Variants in AGBL4 observed in about 807,000 individuals in gnomAD.
AGBL4 encodes AGBL carboxypeptidase 4.
Under a neutral mutation model 66.4 loss-of-function variants are expected in AGBL4, and 58 were observed. That is an observed-to-expected ratio of 0.87 (90% CI 0.71 to 1.09). AGBL4 has a LOEUF of 1.09. AGBL4 is among the 50% of genes least tolerant of loss of function. The pLI is 0.00. For missense variants in AGBL4, 579 were observed against 631.0 expected, an observed-to-expected ratio of 0.92 and a Z score of 0.88; for synonymous variants, 234 against 222.9, an observed-to-expected ratio of 1.05 and a Z score of -0.44.
At chr1:48,712,450 T>C (rs2148519791) in intron 6 of AGBL4, among the ~76,000 whole-genome samples, 1 of 152,278 alleles carries the variant, frequency 6.6e-6, no homozygotes, top group East Asian at 1.9e-4. Flanking sequence ...CTTAGCAAAA[T>C]GAGGCCTTTA....
chr1:49,629,624 TTCGGG>T (rs1645531492), intron 3 of AGBL4, among the ~76,000 whole-genome samples: 1 of 152,130 alleles, frequency 6.6e-6, no homozygotes, highest in Non-Finnish European at 1.5e-5. Flanking sequence ...ACGATGATAT[TTCGGG>T]TCATTGAATA....
chr1:48,721,111 G>T (rs1366351123), intron 6 of AGBL4, among the ~76,000 whole-genome samples: 1 of 151,986 alleles, frequency 6.6e-6, no homozygotes, highest in Admixed American at 6.6e-5. Context: ...ACAGGGGAAG[G>T]AGAGTGTGGA....
intron 5 of AGBL4, among the ~76,000 whole-genome samples, chr1:49,014,511 C>T (rs1662670546): frequency 6.6e-6 from 1 of 152,208 alleles, no homozygotes; most frequent in Non-Finnish European, 1.5e-5. Flanking sequence ...TTCACATTTT[C>T]GTTCACTGCT....
chr1:49,569,779 C>T (rs569796669), intron 3 of AGBL4, among the ~76,000 whole-genome samples: 1 of 152,090 alleles, frequency 6.6e-6, no homozygotes, highest in South Asian at 2.1e-4. Context: ...TCATTCCACT[C>T]TCTATATCCA....
At chr1:49,658,515 C>A (rs538410950) in intron 3 of AGBL4, among the ~76,000 whole-genome samples, 4 of 152,212 alleles carry the variant, frequency 2.6e-5, no homozygotes, top group South Asian at 2.1e-4. Context: ...TGGGTATATA[C>A]CCAAAGGAAT....
chr1:49,236,873 T>C (rs1415901307), intron 4 of AGBL4, among the ~76,000 whole-genome samples: 4 of 152,066 alleles, frequency 2.6e-5, no homozygotes, highest in African/African-American at 7.2e-5. Flanking sequence ...AATTCCCGCA[T>C]GTCATGGGAG....
chr1:49,267,913 C>A (rs1643961519), intron 3 of AGBL4, among the ~76,000 whole-genome samples: 1 of 152,010 alleles, frequency 6.6e-6, no homozygotes, highest in Non-Finnish European at 1.5e-5. Context: ...GGGGAAACCA[C>A]CCCCATGATT....
chr1:49,991,612 C>T (rs1407908555), intron 1 of AGBL4, among the ~76,000 whole-genome samples: 1 of 152,186 alleles, frequency 6.6e-6, no homozygotes, highest in Non-Finnish European at 1.5e-5. Flanking sequence ...TTTCACATTT[C>T]TAACTGCATC....
intron 1 of AGBL4, among the ~76,000 whole-genome samples, chr1:49,872,653 C>A (rs977717716): frequency 6.6e-6 from 1 of 152,018 alleles, no homozygotes; most frequent in Non-Finnish European, 1.5e-5. Context: ...GGTTCCTTAT[C>A]AAAAAGGTTC....
At chr1:48,685,117 G>A (rs1213321930) in intron 6 of AGBL4, among the ~76,000 whole-genome samples, 1 of 152,192 alleles carries the variant, frequency 6.6e-6, no homozygotes, top group Non-Finnish European at 1.5e-5. Context: ...CTCAGCAACT[G>A]CCAGGAACTG....
At chr1:48,892,241 G>T (rs560185085) in intron 5 of AGBL4, among the ~76,000 whole-genome samples, 1 of 152,146 alleles carries the variant, frequency 6.6e-6, no homozygotes, top group Non-Finnish European at 1.5e-5. Flanking sequence ...GACTGTCTGT[G>T]TCCTTGTGTC....
intron 3 of AGBL4, among the ~76,000 whole-genome samples, chr1:49,474,053 C>T (rs1046753468): frequency 1.3e-5 from 2 of 152,052 alleles, no homozygotes; most frequent in African/African-American, 4.8e-5. Flanking sequence ...AGTTTGAAGT[C>T]AGGTAACATG....
intron 4 of AGBL4, among the ~76,000 whole-genome samples, chr1:49,138,974 G>A (rs1207176449): frequency 6.6e-6 from 1 of 152,030 alleles, no homozygotes; most frequent in East Asian, 1.9e-4. Context: ...AACTTACAAT[G>A]ATGGCAAAAA....
chr1:49,525,911 C>T (rs548756737), intron 3 of AGBL4, among the ~76,000 whole-genome samples: 2 of 151,662 alleles, frequency 1.3e-5, no homozygotes, highest in Non-Finnish European at 2.9e-5. Context: ...CACGGTGAAA[C>T]CCCGTCTCTA....
At chr1:49,455,428 T>C (rs945955714) in intron 3 of AGBL4, among the ~76,000 whole-genome samples, 1 of 151,652 alleles carries the variant, frequency 6.6e-6, no homozygotes, top group Non-Finnish European at 1.5e-5. Flanking sequence ...AAATTAGTTA[T>C]TGTTATTTTG....
chr1:49,745,782 C>T (rs1650937350), intron 2 of AGBL4, among the ~76,000 whole-genome samples: 1 of 151,500 alleles, frequency 6.6e-6, no homozygotes, highest in East Asian at 1.9e-4. Context: ...GAAAATTTAA[C>T]AATAATTGAG....
At chr1:49,231,729 A>T (rs1213357786) in intron 4 of AGBL4, among the ~76,000 whole-genome samples, 1 of 152,218 alleles carries the variant, frequency 6.6e-6, no homozygotes, top group Non-Finnish European at 1.5e-5. Context: ...GACAGTCTCT[A>T]ACTTATGATG....
chr1:48,736,092 G>A lies in AGBL4; in HGVS notation c.635-72851C>T. On this transcript the variant is annotated intron_variant, in intron 6 of 13. Coordinates refer to ENST00000371839, the MANE Select transcript of AGBL4 (RefSeq NM_032785.4). This position sits in a 1 kb window ranked among gnomAD's most constrained non-coding sequence, Gnocchi z 4.0. ...AATGTGAGCTCTTCTGGGGCATTTGGGTTATCCGCTTGGTGTCCCCGGGCT... is the reference window on the plus strand; with the variant it reads ...AATGTGAGCTCTTCTGGGGCATTTGAGTTATCCGCTTGGTGTCCCCGGGCT... The A allele has an allele frequency of 4.9e-6, 4 of 812,620 alleles. No individual in the cohort carries two copies. The highest frequency in any genetic ancestry group is 6.0e-6 in the Non-Finnish European group (3 of 503,266). The allele number at this position is 812,620 out of a possible 1,614,324, so 50.3% of individuals were successfully genotyped here.
At chr1:49,361,325 A>G (rs1002119247) in intron 3 of AGBL4, among the ~76,000 whole-genome samples, 10 of 152,046 alleles carry the variant, frequency 6.6e-5, no homozygotes, top group Non-Finnish European at 1.3e-4. Flanking sequence ...TCACAGAACC[A>G]GACACAGAAT....
Sources: gnomAD v4.1 joint callset for allele counts (sites outside exome capture counted in the v4.1 genomes callset) on GRCh38, gnomAD v4.1.1 for gene constraint, Gnocchi (gnomAD v3.1) non-coding constraint, MANE v1.5 for transcripts, NCBI Gene and HGNC (gene_info 2026-07-23, HGNC 2026-07-21) for gene names.